Variants in SCNN1G observed in about 807,000 individuals in gnomAD.
The protein encoded by SCNN1G is sodium channel epithelial 1 subunit gamma.
In SCNN1G, 27 loss-of-function variants were observed where a neutral mutation model predicts 64.6. The observed-to-expected ratio is 0.42, with a 90% CI of 0.31 to 0.58. SCNN1G has a LOEUF of 0.58. Ranked by LOEUF, SCNN1G falls within the 20% of genes least tolerant of loss-of-function variation. The pLI, the probability that SCNN1G is intolerant of heterozygous loss-of-function variation, is 0.18. For missense variants in SCNN1G, 743 were observed against 823.4 expected, an observed-to-expected ratio of 0.90 and a Z score of 1.19; for synonymous variants, 330 against 314.2, an observed-to-expected ratio of 1.05 and a Z score of -0.53.
chr16:23,213,399 C>T lies in SCNN1G; in HGVS notation c.1493+236C>T, dbSNP rs554677822. On this transcript the variant is annotated intron_variant, in intron 11 of 12. Coordinates refer to ENST00000300061, the MANE Select transcript of SCNN1G (RefSeq NM_001039.4). ...TCCTAAGTAGCTGGGATTATAGGTG[C>T]GCAACATCACATCTGGCTAATTTTA... Among the ~76,000 whole-genome samples, 5 of 152,048 alleles carry T rather than the reference C, an allele frequency of 3.3e-5. No individual in the cohort carries two copies. In the South Asian group the frequency reaches 6.2e-4, roughly 19 times the overall value.
intron 6 of SCNN1G, among the ~76,000 whole-genome samples, chr16:23,205,931 C>G (rs1289479970): frequency 6.6e-6 from 1 of 152,172 alleles, no homozygotes; most frequent in Non-Finnish European, 1.5e-5. Flanking sequence ...CTGGTAGACA[C>G]CTCCACCATG....
intron 6 of SCNN1G, among the ~76,000 whole-genome samples, chr16:23,198,926 C>T (rs1959841284): frequency 6.6e-6 from 1 of 151,530 alleles, no homozygotes; most frequent in African/African-American, 2.4e-5. Context: ...TGCTGGGGCA[C>T]ACCTGTAGTC....
chr16:23,208,161 A>T (rs920701892), intron 6 of SCNN1G, among the ~76,000 whole-genome samples: 3 of 152,178 alleles, frequency 2.0e-5, no homozygotes, highest in Non-Finnish European at 2.9e-5. Flanking sequence ...ATATTAAGCT[A>T]GAGCAAAATT....
At chr16:23,200,763 T>C (rs1367997804) in intron 6 of SCNN1G, among the ~76,000 whole-genome samples, 1 of 152,206 alleles carries the variant, frequency 6.6e-6, no homozygotes, top group Non-Finnish European at 1.5e-5. Context: ...CTGGGGCTCA[T>C]TTTCAATGGG....
At chr16:23,204,330 TATATAGAG>T (rs1190814791) in intron 6 of SCNN1G, among the ~76,000 whole-genome samples, 60 of 34,442 alleles carry the variant, frequency 1.7e-3, no homozygotes, top group Non-Finnish European at 2.1e-3. Flanking sequence ...TATATATATA[TATATAGAG>T]AGAGAGAGAG....
Position 23,192,437 on chromosome 16 carries a change from T to C in SCNN1G, c.704T>C (p.Met235Thr). Residue 235 changes from methionine (M) to threonine (T), a missense_variant, in exon 4 of 13, where the codon ATG (methionine) becomes ACG (threonine). Transcript: ENST00000300061. ...CAGGAGTGGTATAAGCTACACTACA[T>C]GAACATCATGGCACAGGTGCCTCTG... ...AIQEWYKLHY[M>T]NIMAQVPLEK... 6.2e-7 allele frequency: 1 copy of C among 1,613,992 alleles called. No individual in the cohort carries two copies. The highest frequency in any genetic ancestry group is 8.5e-7 in the Non-Finnish European group (1 of 1,179,942).
At position 23,215,188 on chromosome 16, in the gene SCNN1G, T is replaced by A; in HGVS notation, c.1669T>A (p.Phe557Ile). Residue 557 changes from phenylalanine to isoleucine, a missense_variant, in exon 13 of 13, where the codon TTC becomes ATC. By Grantham distance (21) the Phe-to-Ile change is conservative (BLOSUM62 0). Transcript: ENST00000300061. ...IEIIEVFFID[F>I]FSIIARRQWQ... ...GATCATCGAGGTCTTCTTCATTGAC[T>A]TCTTCTCTATCATTGCCCGCCGCCA... 6.2e-7 allele frequency: 1 copy of A among 1,614,142 alleles called. No homozygotes were observed. The highest frequency in any genetic ancestry group is 8.5e-7 in the Non-Finnish European group (1 of 1,180,026).
intron 4 of SCNN1G, among the ~76,000 whole-genome samples, chr16:23,193,514 T>G (rs1247603950): frequency 6.6e-6 from 1 of 152,104 alleles, no homozygotes; most frequent in Non-Finnish European, 1.5e-5. Flanking sequence ...CTGGGCATAA[T>G]GGCACACACC....
At chr16:23,209,259 C>T (rs2141942901) in intron 6 of SCNN1G, among the ~76,000 whole-genome samples, 1 of 152,296 alleles carries the variant, frequency 6.6e-6, no homozygotes, top group Middle Eastern at 3.4e-3. Context: ...TCCCTAGTAG[C>T]TGTGACTACA....
chr16:23,203,769 CAAAAAAAAA>C (rs71151702), intron 6 of SCNN1G, among the ~76,000 whole-genome samples: 2 of 42,280 alleles, frequency 4.7e-5, no homozygotes, highest in Admixed American at 7.8e-4. Context: ...GACTCCGTCT[CAAAAAAAAA>C]AAAAAAAAAA....
chr16:23,193,385 G>A (rs892493231), intron 4 of SCNN1G, among the ~76,000 whole-genome samples: 3 of 151,924 alleles, frequency 2.0e-5, no homozygotes, highest in Non-Finnish European at 4.4e-5. Context: ...AGTGGCTCAC[G>A]CTTGTAATGC....
rs551378435 is a variant in SCNN1G at position 23,205,010 on chromosome 16, G to A, written c.1078-4740G>A. On this transcript the variant is annotated intron_variant, in intron 6 of 12. Transcript: ENST00000300061. Reference sequence around the variant, plus strand: ...GTATTTTTAGTAGAGACGGGGTTTCGCCATGTTAGACAGGCTGGTCTCAAA... The same window carrying A: ...GTATTTTTAGTAGAGACGGGGTTTCACCATGTTAGACAGGCTGGTCTCAAA... Among the ~76,000 whole-genome samples the A allele has an allele frequency of 2.2e-4, 34 of 152,088 alleles. 2 individuals are homozygous for A. The South Asian group carries it at 5.2e-3, about 23-fold the overall frequency.
chr16:23,211,756 G>T (rs1388509852), intron 7 of SCNN1G, among the ~76,000 whole-genome samples: 2 of 152,170 alleles, frequency 1.3e-5, no homozygotes, highest in East Asian at 3.9e-4. Flanking sequence ...AGGTTGCAGT[G>T]AGCTGAGATC....
At chr16:23,189,338 C>T in intron 2 of SCNN1G, 33 bp from the exon 3 acceptor site, 1 of 1,609,154 alleles carries the variant, frequency 6.2e-7, no homozygotes, top group Non-Finnish European at 8.5e-7. Flanking sequence ...GGCCGCCTCC[C>T]CTCTCCCTGA....
rs1384335292 is a variant in SCNN1G at position 23,201,752 on chromosome 16, AG to A, written c.1077+4327del. On this transcript the variant is annotated intron_variant, in intron 6 of 12. Transcript: ENST00000300061. ...TGTGTCCAAAGCACTGAATATTAAA[AG>A]GTGAACCCAACAGAGCTCCTACCTT... is the stretch of plus-strand genomic sequence containing the variant. Among the ~76,000 whole-genome samples the A allele has an allele frequency of 3.3e-5, 5 of 152,360 alleles. 1 individual carries two copies. In the South Asian group the frequency reaches 1.0e-3, roughly 32 times the overall value.
chr16:23,211,393 C>A (rs1960076889), intron 7 of SCNN1G, among the ~76,000 whole-genome samples: 1 of 152,196 alleles, frequency 6.6e-6, no homozygotes, highest in African/African-American at 2.4e-5. Context: ...TTATTTCTCT[C>A]TGTTTCTTGA....
In SCNN1G at chr16:23,212,818, C is replaced by T. The variant is rs1359082345; in HGVS notation, c.1374-19C>T. 3.1e-6 allele frequency: 5 copies of T among 1,613,936 alleles called. No individual in the cohort carries two copies. Among genetic ancestry groups the T allele is most frequent in the Non-Finnish European group, 4.2e-6 (5 of 1,179,848 alleles). ...TTGGGTTGGGCTGCCTACACTCATG[C>T]TGTCCCCTCCTCCCTTAGCTTTAAA... On this transcript the variant is annotated intron_variant, in intron 9 of 12. Coordinates refer to ENST00000300061, the MANE Select transcript of SCNN1G (RefSeq NM_001039.4).
At chr16:23,200,843 G>A (rs1567266123) in intron 6 of SCNN1G, among the ~76,000 whole-genome samples, 3 of 152,144 alleles carry the variant, frequency 2.0e-5, no homozygotes, top group Non-Finnish European at 2.9e-5. Context: ...ATGATGAACC[G>A]GAATGGAAGT....
intron 6 of SCNN1G, among the ~76,000 whole-genome samples, chr16:23,204,582 A>G (rs1426941824): frequency 6.7e-6 from 1 of 149,818 alleles, no homozygotes; most frequent in Non-Finnish European, 1.5e-5. Context: ...TAATAATTAT[A>G]CATACATAAA....
Sources: gnomAD v4.1 joint callset for allele counts (sites outside exome capture counted in the v4.1 genomes callset) on GRCh38, gnomAD v4.1.1 for gene constraint, MANE v1.5 for transcripts, NCBI Gene and HGNC (gene_info 2026-07-23, HGNC 2026-07-21) for gene names.